POM121C: variants seen among roughly 807,000 people sequenced by gnomAD.
POM121C encodes POM121 transmembrane nucleoporin C.
In POM121C, 20 loss-of-function variants were observed where a neutral mutation model predicts 66.4. The observed-to-expected ratio is 0.30, with a 90% CI of 0.21 to 0.44. POM121C has a LOEUF of 0.44. Among genes scored for constraint, POM121C ranks in the 20% least tolerant of loss-of-function variants. The pLI is 1.00. For synonymous variants in POM121C, 286 were observed against 528.0 expected, an observed-to-expected ratio of 0.54 and a Z score of 6.28; for missense variants, 580 against 1,225.7, an observed-to-expected ratio of 0.47 and a Z score of 7.87.
chr7:75,455,283 A>G, intron 3 of POM121C, among the ~76,000 whole-genome samples: 1 of 152,270 alleles, frequency 6.6e-6, no homozygotes, highest in Non-Finnish European at 1.5e-5. Context: ...GCCTTGACGC[A>G]CCTTGGGAAA....
At chr7:75,480,516 C>T (rs1792266103) in intron 1 of POM121C, among the ~76,000 whole-genome samples, 3 of 152,094 alleles carry the variant, frequency 2.0e-5, no homozygotes, top group African/African-American at 4.8e-5. Flanking sequence ...ATCACTCCAC[C>T]CAACCAGAGC....
chr7:75,419,309 T>C lies in POM121C; in HGVS notation c.2866+11A>G, dbSNP rs1789597226. 2 of 1,608,142 alleles carry C rather than the reference T, an allele frequency of 1.2e-6. No individual in the cohort carries two copies. The highest frequency in any genetic ancestry group is 1.7e-6 in the Non-Finnish European group (2 of 1,177,268). On this transcript the variant is annotated intron_variant, in intron 14 of 14. Transcript: ENST00000615331. ...CAGACGAGCAGGGCCACAGGGTGGCTTGCTGCTTACCGAACGGTCCAACAC... is the reference window on the plus strand; with the variant it reads ...CAGACGAGCAGGGCCACAGGGTGGCCTGCTGCTTACCGAACGGTCCAACAC...
At chr7:75,482,954 G>C (rs1310418634) in intron 1 of POM121C, among the ~76,000 whole-genome samples, 3 of 152,200 alleles carry the variant, frequency 2.0e-5, no homozygotes, top group African/African-American at 2.4e-5. Context: ...AAAACACGGA[G>C]AAGTGAAATG....
intron 3 of POM121C, among the ~76,000 whole-genome samples, chr7:75,459,629 TGAAGAAAAATCCAGAGAGATTTTTTTTCA>T (rs1554476754): frequency 7.3e-6 from 1 of 137,268 alleles, no homozygotes; most frequent in Admixed American, 7.6e-5. Flanking sequence ...AAGAAAGAAA[TGAAGAAAAATCCAGAGAGATTTTTTTTCA>T]GAAGAAAAAG....
chr7:75,430,370 C>G (rs1312469542), intron 7 of POM121C, among the ~76,000 whole-genome samples: 1 of 152,124 alleles, frequency 6.6e-6, no homozygotes, highest in Non-Finnish European at 1.5e-5. Flanking sequence ...TATACGGACA[C>G]TTAAATTAGA....
At chr7:75,465,939 G>A (rs1444978409) in intron 3 of POM121C, among the ~76,000 whole-genome samples, 11 of 108,006 alleles carry the variant, frequency 1.0e-4, no homozygotes, top group South Asian at 6.1e-4. Context: ...TGTGACTTTC[G>A]CCTCAATTAA....
intron 3 of POM121C, among the ~76,000 whole-genome samples, chr7:75,466,682 T>C (rs1258959325): frequency 3.3e-5 from 5 of 150,256 alleles, no homozygotes; most frequent in Non-Finnish European, 4.4e-5. Flanking sequence ...AAAAAATCAA[T>C]TAAACCAAAT....
chr7:75,484,463 C>T (rs1174341704), intron 1 of POM121C: 20 of 316,108 alleles, frequency 6.3e-5, no homozygotes, highest in African/African-American at 1.5e-4. Flanking sequence ...TCAAGTGATC[C>T]GCCTGCCTGG....
intron 7 of POM121C, among the ~76,000 whole-genome samples, chr7:75,436,614 C>T (rs1332987199): frequency 2.0e-5 from 3 of 152,146 alleles, no homozygotes; most frequent in Non-Finnish European, 4.4e-5. Context: ...ACATGCTTTA[C>T]ATCTTTTTGT....
chr7:75,447,098 G>A (rs1790845443), intron 3 of POM121C, among the ~76,000 whole-genome samples: 2 of 141,120 alleles, frequency 1.4e-5, no homozygotes, highest in Non-Finnish European at 3.1e-5. Context: ...CCTATTACTA[G>A]GCATATAAAT....
chr7:75,428,439 C>T (rs781991248), intron 7 of POM121C, among the ~76,000 whole-genome samples: 25 of 152,254 alleles, frequency 1.6e-4, no homozygotes, highest in South Asian at 1.2e-3. Context: ...CGCTTAGCCA[C>T]CTGTGGAACT....
At chr7:75,468,613 C>A (rs1554478200) in intron 3 of POM121C, among the ~76,000 whole-genome samples, 1 of 152,186 alleles carries the variant, frequency 6.6e-6, no homozygotes, top group East Asian at 1.9e-4. Context: ...GCCAACACGC[C>A]TGACTGACTC....
rs1554470159 is a variant in POM121C, at chr7:75,418,795, GCTA to G, written c.2962_2964del (p.Ter988delextTer20). 1 of 1,607,828 alleles carries G rather than the reference GCTA, an allele frequency of 6.2e-7. No individual in the cohort carries two copies. The highest frequency in any genetic ancestry group is 8.5e-7 in the Non-Finnish European group (1 of 1,178,250). ...GGGGGAACAGGGACAGGGGACAAAG[GCTA>G]CTTTTTGCGGGTGTGCTGCCTTCGG... On this transcript the variant is annotated stop_lost and inframe_deletion, in exon 15 of 15. Coordinates refer to ENST00000615331, the MANE Select transcript of POM121C (RefSeq NM_001099415.3).
In POM121C at chr7:75,475,066, G is replaced by A. The variant is rs587603791; in HGVS notation, c.-335C>T. ...CAGAAAGCAAGCTATCCTCACCCAA[G>A]GAAACTAGATGGCTGTAGTTCTCCA... On this transcript the variant is annotated 5_prime_UTR_variant, in exon 2 of 15. Transcript: ENST00000615331. The A allele has an allele frequency of 5.0e-4, 694 of 1,389,908 alleles. 9 individuals carry two copies. The highest frequency in any genetic ancestry group is 4.6e-3 in the South Asian group (393 of 85,478). 86.1% of individuals were successfully genotyped at this position (1,389,908 alleles called of 1,614,324 possible).
At chr7:75,444,311 CAGT>C (rs1790764855) in intron 3 of POM121C, among the ~76,000 whole-genome samples, 1 of 139,082 alleles carries the variant, frequency 7.2e-6, no homozygotes, top group Non-Finnish European at 1.6e-5. Context: ...ATCTCAGTAT[CAGT>C]AGACTAGTGG....
chr7:75,485,531 T>G (rs1315191337), intron 1 of POM121C, among the ~76,000 whole-genome samples: 3 of 151,996 alleles, frequency 2.0e-5, no homozygotes, highest in African/African-American at 7.3e-5. Context: ...AGCAGACACT[T>G]AAGTGAGAGA....
At chr7:75,439,883 A>ATTT (rs59967197) in intron 5 of POM121C, among the ~76,000 whole-genome samples, 4 of 138,732 alleles carry the variant, frequency 2.9e-5, no homozygotes, top group East Asian at 2.2e-4. Context: ...CACATAAGGA[A>ATTT]TTTTTTTTTT....
At chr7:75,442,232 G>A (rs1277460458) in intron 3 of POM121C, 16 of 1,398,946 alleles carry the variant, frequency 1.1e-5, no homozygotes, top group Admixed American at 3.6e-5. Context: ...CTGGGAGGGC[G>A]GTGTGGAGCG....
intron 3 of POM121C, 38 bp from the exon 4 acceptor site, chr7:75,441,685 T>G (rs587732345): frequency 6.7e-7 from 1 of 1,483,186 alleles, no homozygotes; most frequent in Non-Finnish European, 9.1e-7. Flanking sequence ...AAACAAAGTA[T>G]AAAAGAATGT....
Sources: allele counts gnomAD v4.1 joint callset (sites outside exome capture counted in the v4.1 genomes callset), GRCh38; gene constraint gnomAD v4.1.1; transcripts MANE v1.5; gene names NCBI Gene and HGNC (gene_info 2026-07-23, HGNC 2026-07-21).